The following KIF7 variants were observed in gnomAD, a reference collection of about 807,000 sequenced individuals.
The protein encoded by KIF7 is kinesin family member 7, also known as kinesin-like protein KIF7.
Under a neutral mutation model 135.7 loss-of-function variants are expected in KIF7, and 104 were observed. The observed-to-expected ratio is 0.77, with a 90% CI of 0.65 to 0.90. The LOEUF (loss-of-function observed/expected upper bound fraction) is 0.90, where lower values mean the gene tolerates loss of function less well. Among genes scored for constraint, KIF7 ranks in the 40% least tolerant of loss-of-function variants. The pLI is 0.00. For missense variants in KIF7, 2,005 were observed against 1,839.1 expected, an observed-to-expected ratio of 1.09 and a Z score of -1.65; for synonymous variants, 883 against 809.4, an observed-to-expected ratio of 1.09 and a Z score of -1.54.
At chr15:89,629,653 T>A in intron 16 of KIF7, 80 bp from the exon 17 acceptor site, 1 of 1,573,096 alleles carries the variant, frequency 6.4e-7, no homozygotes, top group Non-Finnish European at 8.6e-7. Flanking sequence ...GACACAGTAT[T>A]GGCACACTTG....
chr15:89,620,245 G>A (rs1193347326), intron 1 of KIF7, among the ~76,000 whole-genome samples: 2 of 152,190 alleles, frequency 1.3e-5, no homozygotes, highest in Non-Finnish European at 2.9e-5. Context: ...GTCTCACTCT[G>A]TCACCCAGGC....
In KIF7 at chr15:89,640,834, A is replaced by G. The variant is rs569298601; in HGVS notation, c.2394+1369T>C. 9.6e-3 allele frequency among the ~76,000 whole-genome samples: 1,457 copies of G among 151,598 alleles called. 26 individuals carry two copies. Among genetic ancestry groups the G allele is most frequent in the African/African-American group, 0.033 (1,375 of 41,258 alleles). On this transcript the variant is annotated intron_variant, in intron 11 of 18. Coordinates refer to ENST00000394412, the MANE Select transcript of KIF7 (RefSeq NM_198525.3). ...AACACTGTCTCTACTTAAAAAAAAA[A>G]AAAAAAAGAAAAAAATTAGCCAGGT... is the stretch of plus-strand genomic sequence containing the variant.
intron 11 of KIF7, among the ~76,000 whole-genome samples, chr15:89,634,513 G>C (rs1011766024): frequency 2.0e-5 from 3 of 152,226 alleles, no homozygotes; most frequent in African/African-American, 7.2e-5. Context: ...TGCCTCACTC[G>C]GGAAGTGCAA....
rs752909113 is a variant in KIF7, at chr15:89,645,976, G to A, written c.1839C>T (p.Asn613=). 1 of 1,613,824 alleles carries A rather than the reference G, an allele frequency of 6.2e-7. No homozygotes were observed. The highest frequency in any genetic ancestry group is 2.2e-5 in the East Asian group (1 of 44,900). ...CAGCTGAAGAGCCACTTCCCAGCCTGTTCACCTCAGTCAGCAACTCAGCTC... is the reference window on the plus strand; with the variant it reads ...CAGCTGAAGAGCCACTTCCCAGCCTATTCACCTCAGTCAGCAACTCAGCTC... ...EAGAELLTEV[N]RLGSGSSAAS... The change falls in exon 8 of 19, where the codon AAC becomes AAT. Residue 613 remains asparagine (N), a synonymous_variant. Coordinates refer to ENST00000394412, the MANE Select transcript of KIF7 (RefSeq NM_198525.3).
intron 1 of KIF7, chr15:89,619,667 G>C (rs1265645460): frequency 8.9e-6 from 14 of 1,576,538 alleles, no homozygotes; most frequent in Non-Finnish European, 1.2e-5. Context: ...TGTCAAGCTT[G>C]TAGTTGTCTT....
chr15:89,659,234 A>G (rs1964234646), upstream of KIF7, among the ~76,000 whole-genome samples: 1 of 152,134 alleles, frequency 6.6e-6, no homozygotes, highest in African/African-American at 2.4e-5. Context: ...AGTTCTAAAA[A>G]TCACTGAGAA....
downstream of KIF7, chr15:89,626,136 G>A (rs1015527276): frequency 1.9e-5 from 30 of 1,558,016 alleles, no homozygotes; most frequent in South Asian, 2.4e-5. Flanking sequence ...CAGGCAGCTC[G>A]ATTCTAGAGG....
In KIF7 at chr15:89,648,381, C is replaced by T; in HGVS notation, c.1317G>A (p.Lys439=). ...EPGLPGAAAR[K]VRDWLCAVEG... ...CGACGGCGCACAGCCAGTCGCGCAC[C>T]TTGCGGGCGGCGGCGCCGGGCAGCC... Residue 439 remains lysine (K), a synonymous_variant, in exon 5 of 19, where the codon AAG becomes AAA. Transcript: ENST00000394412. The T allele has an allele frequency of 1.7e-6, 2 of 1,198,332 alleles. No individual in the cohort carries two copies. The highest frequency in any genetic ancestry group is 2.1e-6 in the Non-Finnish European group (2 of 964,448). 74.2% of individuals were successfully genotyped at this position (1,198,332 alleles called of 1,614,324 possible).
chr15:89,628,422 CAG>C lies in KIF7; in HGVS notation c.4027_4028del (p.Leu1343ValfsTer17). ...PGMIDVRKNP[L>X] ...AGGCAGGGTCTGCCCCGAGGGCTTA[CAG>C]GGGGTTTTTCCGGACATCAATCATC... On this transcript the variant is annotated frameshift_variant, in exon 19 of 19. Coordinates refer to ENST00000394412, the MANE Select transcript of KIF7 (RefSeq NM_198525.3). LOFTEE classifies it high-confidence loss of function. 6.2e-7 allele frequency: 1 copy of C among 1,605,118 alleles called. No homozygotes were observed.
downstream of KIF7, chr15:89,624,841 C>T (rs560903169): frequency 2.7e-5 from 44 of 1,614,202 alleles, no homozygotes; most frequent in East Asian, 9.6e-4. Context: ...CCCATCTCCT[C>T]CTTCCTGTGG....
intron 11 of KIF7, among the ~76,000 whole-genome samples, chr15:89,640,261 G>A (rs943772021): frequency 2.6e-4 from 40 of 151,722 alleles, no homozygotes; most frequent in African/African-American, 8.7e-4. Context: ...CCTGCACATT[G>A]TGCACATGTA....
Position 89,647,721 on chromosome 15 carries a change from C to T in KIF7, c.1444-9G>A, listed in dbSNP as rs761796364. On this transcript the variant is annotated splice_polypyrimidine_tract_variant and intron_variant, in intron 5 of 18. Transcript: ENST00000394412. ...TGCGCCCCCTCATCCTCCTATAGGG[C>T]AGGGAGAGGGGCTTCAGGGGCGGGG... 1.1e-5 allele frequency: 17 copies of T among 1,552,406 alleles called. No individual in the cohort carries two copies. The Middle Eastern group carries it at 1.5e-3, about 137-fold the overall frequency.
intron 1 of KIF7, chr15:89,621,477 C>T: frequency 6.2e-7 from 1 of 1,614,098 alleles, no homozygotes; most frequent in South Asian, 1.1e-5. Context: ...ATCAGCCCCT[C>T]AGAAAAGGGT....
downstream of KIF7, chr15:89,625,252 AC>A: frequency 1.2e-6 from 2 of 1,612,724 alleles, no homozygotes; most frequent in Non-Finnish European, 1.7e-6. Context: ...CCAGGCCTGT[AC>A]CCCCACCCAC....
intron 11 of KIF7, 125 bp from the exon 12 acceptor site, chr15:89,634,008 A>G: frequency 1.0e-6 from 1 of 999,770 alleles, no homozygotes; most frequent in Non-Finnish European, 1.6e-6. Context: ...GACCAATAAT[A>G]ATAACAGAGG....
In KIF7 at chr15:89,648,574, G is replaced by T. The variant is rs557460012; in HGVS notation, c.1124C>A (p.Pro375Gln). The T allele has an allele frequency of 1.7e-5, 25 of 1,492,156 alleles. No individual in the cohort carries two copies. Among genetic ancestry groups the T allele is most frequent in the Non-Finnish European group, 2.0e-5 (22 of 1,122,974 alleles). The allele number at this position is 1,492,156 out of a possible 1,614,324, so 92.4% of individuals were successfully genotyped here. A position where few individuals can be genotyped will look rare whatever the true frequency, so the allele number is the denominator to read the frequency against. The change falls in exon 5 of 19, where the codon CCG (proline) becomes CAG (glutamine). Residue 375 changes from proline to glutamine, a missense_variant. Pro to Gln is a moderately conservative substitution (Grantham distance 76). Coordinates refer to ENST00000394412, the MANE Select transcript of KIF7 (RefSeq NM_198525.3). ...PEETASGARG[P>Q]PRHRSETRII... ...GCGGGTCTCGGAGCGGTGCCGTGGC[G>T]GACCCCGCGCGCCGCTCGCCGTCTC... is the stretch of plus-strand genomic sequence containing the variant.
At chr15:89,621,665 G>C (rs1028175693) in intron 1 of KIF7, 1 of 823,792 alleles carries the variant, frequency 1.2e-6, no homozygotes. Context: ...GATAATACTA[G>C]AGATTGGAGG....
In KIF7 at chr15:89,644,235, C is replaced by T. The variant is rs538960082; in HGVS notation, c.2191+778G>A. Among the ~76,000 whole-genome samples, 57 of 152,272 alleles carry T rather than the reference C, an allele frequency of 3.7e-4. No individual in the cohort carries two copies. The South Asian group carries it at 0.011, about 30-fold the overall frequency. On this transcript the variant is annotated intron_variant, in intron 10 of 18. Coordinates refer to ENST00000394412, the MANE Select transcript of KIF7 (RefSeq NM_198525.3). The stretch of plus-strand genomic sequence containing the variant: ...CACTGGCCAGCACCTAAAACTACCC[C>T]GTGTCCCCTCCTTCACTCATATCAC...
At chr15:89,643,502 G>A (rs1963958559) in intron 10 of KIF7, among the ~76,000 whole-genome samples, 1 of 152,226 alleles carries the variant, frequency 6.6e-6, no homozygotes, top group Non-Finnish European at 1.5e-5. Flanking sequence ...TGTATGATGT[G>A]TGTGTGGAAC....
Sources: gnomAD v4.1 joint callset for allele counts (sites outside exome capture counted in the v4.1 genomes callset) on GRCh38, gnomAD v4.1.1 for gene constraint, MANE v1.5 for transcripts, NCBI Gene and HGNC (gene_info 2026-07-23, HGNC 2026-07-21) for gene names.